PCDHA8: variants seen among roughly 807,000 people sequenced by gnomAD.
PCDHA8 encodes protocadherin alpha 8, also known as protocadherin alpha-8.
PCDHA8 carries 53 observed loss-of-function variants against 61.8 expected under a neutral mutation model. The ratio of observed to expected loss-of-function variants is 0.86; its 90% CI spans 0.69 to 1.08. The LOEUF (loss-of-function observed/expected upper bound fraction) is 1.08. Ranked by LOEUF, PCDHA8 falls within the 50% of genes least tolerant of loss-of-function variation. PCDHA8 has a pLI of 0.00. For missense variants in PCDHA8, 1,293 were observed against 1,245.0 expected (o/e 1.04, Z -0.58); for synonymous variants, 618 against 556.6 (o/e 1.11, Z -1.55).
At chr5:140,905,880 A>G (rs1485985374) in intron 1 of PCDHA8, among the ~76,000 whole-genome samples, 4 of 152,172 alleles carry the variant, frequency 2.6e-5, no homozygotes, top group Non-Finnish European at 1.5e-5. Flanking sequence ...AGGCCCAACA[A>G]TAGGCCATCT....
At chr5:140,959,568 T>A (rs1333268160) in intron 1 of PCDHA8, among the ~76,000 whole-genome samples, 1 of 152,208 alleles carries the variant, frequency 6.6e-6, no homozygotes, top group African/African-American at 2.4e-5. Flanking sequence ...GTACTAGATT[T>A]TTTGTTTCAA....
At chr5:140,871,082 C>G in intron 1 of PCDHA8, 1 of 1,613,246 alleles carries the variant, frequency 6.2e-7, no homozygotes, top group South Asian at 1.1e-5. Context: ...GCGCTGACGG[C>G]CACGGCCACC....
chr5:140,906,680 C>T (rs2072848945), intron 1 of PCDHA8, among the ~76,000 whole-genome samples: 2 of 152,166 alleles, frequency 1.3e-5, no homozygotes, highest in Admixed American at 6.5e-5. Context: ...AACCTTCATT[C>T]CTGAAGGATC....
At chr5:141,003,094 A>G (rs2098111645) in intron 3 of PCDHA8, among the ~76,000 whole-genome samples, 1 of 152,230 alleles carries the variant, frequency 6.6e-6, no homozygotes, top group African/African-American at 2.4e-5. Flanking sequence ...CAGGCCTGGC[A>G]TTTGCTTCAC....
intron 3 of PCDHA8, among the ~76,000 whole-genome samples, chr5:140,999,483 T>G (rs1316785085): frequency 3.3e-5 from 5 of 152,152 alleles, no homozygotes; most frequent in Admixed American, 2.6e-4. Flanking sequence ...CCAACTCAAG[T>G]CTATGTTACC....
intron 1 of PCDHA8, chr5:140,884,083 G>C (rs538322622): frequency 1.2e-6 from 2 of 1,613,596 alleles, no homozygotes; most frequent in South Asian, 1.1e-5. Context: ...GCTACAATGC[G>C]TGGCTTTCGT....
chr5:140,996,262 C>G (rs943119390), intron 3 of PCDHA8, among the ~76,000 whole-genome samples: 1 of 152,182 alleles, frequency 6.6e-6, no homozygotes. Flanking sequence ...CAACACAGAG[C>G]CTGGGATTGC....
chr5:140,863,195 C>T (rs782227810), intron 1 of PCDHA8: 17 of 864,950 alleles, frequency 2.0e-5, no homozygotes, highest in Admixed American at 3.7e-5. Context: ...GTGGTGGCGT[C>T]GCTGGCGGAG....
intron 1 of PCDHA8, among the ~76,000 whole-genome samples, chr5:140,950,689 A>G (rs1585383013): frequency 2.6e-5 from 4 of 152,212 alleles, no homozygotes; most frequent in Admixed American, 2.6e-4. Flanking sequence ...ATTGTTAACC[A>G]AATTTGACAA....
chr5:140,986,826 A>G (rs902801115), intron 3 of PCDHA8, among the ~76,000 whole-genome samples: 1 of 152,178 alleles, frequency 6.6e-6, no homozygotes, highest in Non-Finnish European at 1.5e-5. Flanking sequence ...GGTTTAGACA[A>G]TGGTTCTCAA....
chr5:140,976,149 A>C (rs1397618914), intron 1 of PCDHA8, among the ~76,000 whole-genome samples: 1 of 152,182 alleles, frequency 6.6e-6, no homozygotes, highest in Non-Finnish European at 1.5e-5. Context: ...ACTCATGTAC[A>C]TTTTACTACT....
intron 1 of PCDHA8, chr5:140,856,762 C>T: frequency 6.3e-7 from 1 of 1,596,712 alleles, no homozygotes; most frequent in Non-Finnish European, 8.6e-7. Context: ...ATGATAACGC[C>T]CCTATCTTTG....
In PCDHA8 at chr5:140,855,179, G is replaced by A. The variant is rs181253905; in HGVS notation, c.2394+11464G>A. Among the ~76,000 whole-genome samples, 493 of 149,782 alleles carry A rather than the reference G, an allele frequency of 3.3e-3. 32 individuals carry two copies. The highest frequency in any genetic ancestry group is 0.014 in the Middle Eastern group (4 of 290). ...ATTGAGCCTCATGAAAACAAATGTGGCCAAATTGAGGCCTGAGAATAGTTT... is the reference window on the plus strand; with the variant it reads ...ATTGAGCCTCATGAAAACAAATGTGACCAAATTGAGGCCTGAGAATAGTTT... On this transcript the variant is annotated intron_variant, in intron 1 of 3. Coordinates refer to ENST00000531613, the MANE Select transcript of PCDHA8 (RefSeq NM_018911.3).
chr5:140,856,780 G>C (rs1015178435), intron 1 of PCDHA8: 1 of 1,596,106 alleles, frequency 6.3e-7, no homozygotes, highest in Non-Finnish European at 8.6e-7. Flanking sequence ...TTGACAGACC[G>C]GTTTATGAAG....
rs1378161589 is a variant in PCDHA8 at position 140,853,784 on chromosome 5, G to A, written c.2394+10069G>A. Reference sequence around the variant, plus strand: ...AGAAATTCTGAAATGGGTAGTAAGAGCAAATTTTCATTTTAAAGCACACCT... The same window carrying A: ...AGAAATTCTGAAATGGGTAGTAAGAACAAATTTTCATTTTAAAGCACACCT... On this transcript the variant is annotated intron_variant, in intron 1 of 3. Coordinates refer to ENST00000531613, the MANE Select transcript of PCDHA8 (RefSeq NM_018911.3). The A allele has an allele frequency of 6.1e-6, 6 of 987,548 alleles. 1 individual carries two copies. Among genetic ancestry groups the A allele is most frequent in the Non-Finnish European group, 7.3e-6 (6 of 819,678 alleles). The allele number at this position is 987,548 out of a possible 1,614,324, so 61.2% of individuals were successfully genotyped here.
chr5:140,847,669 G>A (rs2150402722), intron 1 of PCDHA8: 11 of 149,670 alleles, frequency 7.3e-5, no homozygotes, highest in African/African-American at 2.7e-4. Flanking sequence ...TATAAAGCTT[G>A]GAAAGAATCA....
At chr5:140,926,879 C>G in intron 1 of PCDHA8, 1 of 1,534,480 alleles carries the variant, frequency 6.5e-7, no homozygotes, top group Non-Finnish European at 8.8e-7. Flanking sequence ...GGAACGTGGA[C>G]GCCTAGAGGG....
chr5:140,973,362 A>G (rs2096583702), intron 1 of PCDHA8, among the ~76,000 whole-genome samples: 1 of 152,256 alleles, frequency 6.6e-6, no homozygotes, highest in Non-Finnish European at 1.5e-5. Flanking sequence ...ATTTATAAAA[A>G]TTGCACAATG....
At chr5:140,904,187 C>T (rs1554191348) in intron 1 of PCDHA8, among the ~76,000 whole-genome samples, 1 of 151,982 alleles carries the variant, frequency 6.6e-6, no homozygotes, top group Non-Finnish European at 1.5e-5. Context: ...ACCCCCTTCC[C>T]ACCCTTTCCC....
Sources: gnomAD v4.1 joint callset for allele counts (sites outside exome capture counted in the v4.1 genomes callset) on GRCh38, gnomAD v4.1.1 for gene constraint, MANE v1.5 for transcripts, NCBI Gene and HGNC (gene_info 2026-07-23, HGNC 2026-07-21) for gene names.